The following GNA12 variants were observed in gnomAD, a reference collection of about 807,000 sequenced individuals.
GNA12 encodes the protein guanine nucleotide-binding protein subunit alpha-12.
Under a neutral mutation model 26.0 loss-of-function variants are expected in GNA12, and 9 were observed. That is an observed-to-expected ratio of 0.35 (90% CI 0.21 to 0.60). The LOEUF (loss-of-function observed/expected upper bound fraction) is 0.60, where lower values mean the gene tolerates loss of function less well. GNA12 is among the 20% of genes least tolerant of loss of function. The probability of loss-of-function intolerance (pLI) is 0.78; values close to 1 mark genes in which losing one functional copy is unlikely to be tolerated. For synonymous variants in GNA12, 264 were observed against 219.6 expected, an observed-to-expected ratio of 1.20 and a Z score of -1.79; for missense variants, 405 against 525.8, an observed-to-expected ratio of 0.77 and a Z score of 2.25.
chr7:2,744,097 G>A (rs1790646521), intron 2 of GNA12, among the ~76,000 whole-genome samples: 1 of 152,220 alleles, frequency 6.6e-6, no homozygotes, highest in South Asian at 2.1e-4. Context: ...CTGGGGGCAG[G>A]GCACAGACAA....
At chr7:2,836,718 G>T (rs999816641) in intron 1 of GNA12, among the ~76,000 whole-genome samples, 5 of 151,206 alleles carry the variant, frequency 3.3e-5, no homozygotes, top group Non-Finnish European at 5.9e-5. Context: ...GAGGTCAGGA[G>T]TTCGAGACCA....
intron 2 of GNA12, among the ~76,000 whole-genome samples, chr7:2,753,673 T>C (rs1393425308): frequency 6.6e-6 from 1 of 152,234 alleles, no homozygotes; most frequent in Non-Finnish European, 1.5e-5. Context: ...GGTGTGGATG[T>C]AAGTTTCATT....
intron 2 of GNA12, among the ~76,000 whole-genome samples, chr7:2,750,873 A>G (rs745342014): frequency 6.6e-6 from 1 of 152,204 alleles, no homozygotes; most frequent in African/African-American, 2.4e-5. Context: ...GAACTGAAAT[A>G]ACTGATTAAT....
chr7:2,840,380 A>G (rs1305499907), intron 1 of GNA12, among the ~76,000 whole-genome samples: 2 of 152,238 alleles, frequency 1.3e-5, no homozygotes, highest in African/African-American at 2.4e-5. Context: ...ATGAGGTAAT[A>G]CCATCTGAAG....
At chr7:2,780,046 GTGTACATATATA>G (rs1165496238) in intron 2 of GNA12, among the ~76,000 whole-genome samples, 1,127 of 85,828 alleles carry the variant, frequency 0.013, 88 homozygotes, top group African/African-American at 0.043. Flanking sequence ...ACACATTTCT[GTGTACATATATA>G]TATATATATA....
At chr7:2,790,719 A>C (rs1792495898) in intron 2 of GNA12, among the ~76,000 whole-genome samples, 1 of 152,266 alleles carries the variant, frequency 6.6e-6, no homozygotes, top group African/African-American at 2.4e-5. Flanking sequence ...CTGTAATCCC[A>C]GCACTTTGGA....
At chr7:2,780,037 C>A (rs947239830) in intron 2 of GNA12, among the ~76,000 whole-genome samples, 1 of 116,438 alleles carries the variant, frequency 8.6e-6, no homozygotes, top group Non-Finnish European at 1.8e-5. Context: ...TAGTTTTTTA[C>A]ACATTTCTGT....
At chr7:2,755,366 C>A (rs1791244857) in intron 2 of GNA12, among the ~76,000 whole-genome samples, 1 of 152,226 alleles carries the variant, frequency 6.6e-6, no homozygotes. Flanking sequence ...ATCTTGACAG[C>A]ACTGAGTTTT....
At chr7:2,794,299 T>C (rs936033589) in intron 2 of GNA12, among the ~76,000 whole-genome samples, 1 of 152,054 alleles carries the variant, frequency 6.6e-6, no homozygotes, top group African/African-American at 2.4e-5. Context: ...TGTATTAATA[T>C]CAGCTGTGCA....
At chr7:2,835,893 T>C in intron 1 of GNA12, 1 of 558,902 alleles carries the variant, frequency 1.8e-6, no homozygotes, top group Non-Finnish European at 3.4e-6. Context: ...AAGCAGCAAA[T>C]AAAAATTTGC....
chr7:2,768,106 T>C (rs1791852402), intron 2 of GNA12, among the ~76,000 whole-genome samples: 4 of 152,206 alleles, frequency 2.6e-5, no homozygotes, highest in African/African-American at 9.7e-5. Context: ...CCACCTGCCT[T>C]GGCCTCCCAA....
intron 2 of GNA12, among the ~76,000 whole-genome samples, chr7:2,734,974 C>T (rs55767077): frequency 0.11 from 16,201 of 152,196 alleles, 1,007 homozygotes; most frequent in Middle Eastern, 0.18. Context: ...GCCAAGCCCC[C>T]GTGATGTGGG....
chr7:2,835,805 C>G, intron 1 of GNA12: 1 of 668,960 alleles, frequency 1.5e-6, no homozygotes, highest in Non-Finnish European at 2.8e-6. Context: ...CTTGCAGATG[C>G]TGACTGCTTA....
rs1020387356 is a variant in GNA12, at chr7:2,739,416, C to T, written c.526-5915G>A. Among the ~76,000 whole-genome samples the T allele has an allele frequency of 2.6e-5, 4 of 152,274 alleles. No individual in the cohort carries two copies. In the East Asian group the frequency reaches 5.8e-4, roughly 22 times the overall value. On this transcript the variant is annotated intron_variant, in intron 2 of 3. Coordinates refer to ENST00000275364, the MANE Select transcript of GNA12 (RefSeq NM_007353.3). ...TTGTGTCTGGTTCTTTTACTTGGTG[C>T]GGCATTTCCGAGGCTCGCCCATGCT...
At chr7:2,785,974 G>C (rs1405726275) in intron 2 of GNA12, among the ~76,000 whole-genome samples, 2 of 152,240 alleles carry the variant, frequency 1.3e-5, no homozygotes, top group Admixed American at 6.5e-5. Flanking sequence ...GGCTGAGGCA[G>C]GACAATCGCT....
At chr7:2,841,149 T>TTTTTTC (rs1778978114) in intron 1 of GNA12, among the ~76,000 whole-genome samples, 1 of 152,062 alleles carries the variant, frequency 6.6e-6, no homozygotes, top group Non-Finnish European at 1.5e-5. Flanking sequence ...TGAGTTTTCT[T>TTTTTTC]TTTTTCTTTT....
chr7:2,741,288 G>A (rs866229372), intron 2 of GNA12, among the ~76,000 whole-genome samples: 1 of 152,128 alleles, frequency 6.6e-6, no homozygotes. Context: ...CCAGGAGGTT[G>A]AGGATGCAGT....
chr7:2,769,449 G>A (rs750025970), intron 2 of GNA12, among the ~76,000 whole-genome samples: 7 of 151,512 alleles, frequency 4.6e-5, no homozygotes, highest in African/African-American at 1.2e-4. Flanking sequence ...AGCTCTGGCC[G>A]GCTGGGCACG....
rs748435612 is a variant in GNA12 at position 2,731,259 on chromosome 7, G to A, written c.1068C>T (p.Thr356=). Residue 356 remains threonine (T), a synonymous_variant, in exon 4 of 4, where the codon ACC becomes ACT. Transcript: ENST00000275364. This position sits in a 1 kb window ranked among gnomAD's most constrained non-coding sequence, Gnocchi z 6.0. The part of the protein sequence containing the change: ...LFHHFTTAID[T]ENVRFVFHAV... ...CATGGAACACGAAGCGGACGTTCTCGGTGTCGATGGCGGTGGTGAAGTGGT... is the reference window on the plus strand; with the variant it reads ...CATGGAACACGAAGCGGACGTTCTCAGTGTCGATGGCGGTGGTGAAGTGGT... 8.7e-6 allele frequency: 14 copies of A among 1,613,732 alleles called. No homozygotes were observed. The highest frequency in any genetic ancestry group is 1.6e-4 in the Middle Eastern group (1 of 6,084).
Sources: allele counts gnomAD v4.1 joint callset (sites outside exome capture counted in the v4.1 genomes callset), GRCh38; gene constraint gnomAD v4.1.1; non-coding constraint Gnocchi (gnomAD v3.1); transcripts MANE v1.5; gene names NCBI Gene and HGNC (gene_info 2026-07-23, HGNC 2026-07-21).